MYT1L: variants seen among roughly 807,000 people sequenced by gnomAD.
MYT1L encodes myelin transcription factor 1 like, also known as myelin transcription factor 1-like protein.
Under a neutral mutation model 126.7 loss-of-function variants are expected in MYT1L, and 12 were observed. That is an observed-to-expected ratio of 0.09 (90% CI 0.06 to 0.15). The LOEUF (loss-of-function observed/expected upper bound fraction) is 0.15, where lower values mean the gene tolerates loss of function less well. Ranked by LOEUF, MYT1L falls within the 10% of genes least tolerant of loss-of-function variation. The pLI, the probability that MYT1L is intolerant of heterozygous loss-of-function variation, is 1.00. For missense variants in MYT1L, 979 were observed against 1,585.2 expected, an observed-to-expected ratio of 0.62 and a Z score of 6.49; for synonymous variants, 541 against 604.2, an observed-to-expected ratio of 0.90 and a Z score of 1.53.
chr2:2,112,348 G>A (rs868417381), intron 3 of MYT1L, among the ~76,000 whole-genome samples: 1 of 152,196 alleles, frequency 6.6e-6, no homozygotes, highest in African/African-American at 2.4e-5. Flanking sequence ...GTGCTTAAAT[G>A]TATCACCCCA....
intron 4 of MYT1L, among the ~76,000 whole-genome samples, chr2:2,000,912 C>G (rs1245475711): frequency 6.6e-6 from 1 of 152,166 alleles, no homozygotes; most frequent in Non-Finnish European, 1.5e-5. Flanking sequence ...CATTGCCAGG[C>G]CAGTCTGCAG....
intron 2 of MYT1L, among the ~76,000 whole-genome samples, chr2:2,179,700 T>C (rs1189696668): frequency 6.6e-6 from 1 of 152,240 alleles, no homozygotes; most frequent in Non-Finnish European, 1.5e-5. Flanking sequence ...AAGCACGCAC[T>C]GTAGCCTGGT....
At chr2:2,103,846 G>A (rs2078415561) in intron 3 of MYT1L, among the ~76,000 whole-genome samples, 1 of 152,200 alleles carries the variant, frequency 6.6e-6, no homozygotes, top group Non-Finnish European at 1.5e-5. Context: ...GAATTGTGAG[G>A]GGCATATTAA....
At position 1,912,065 on chromosome 2, in the gene MYT1L, C is replaced by T; in HGVS notation, c.1664G>A (p.Cys555Tyr). The T allele has an allele frequency of 6.3e-7, 1 of 1,597,462 alleles. No individual in the cohort carries two copies. Among genetic ancestry groups the T allele is most frequent in the Non-Finnish European group, 8.6e-7 (1 of 1,168,650 alleles). Residue 555 changes from cysteine to tyrosine, a missense_variant, in exon 12 of 25, where the codon TGC (cysteine) becomes TAC (tyrosine). Coordinates refer to ENST00000647738, the MANE Select transcript of MYT1L (RefSeq NM_001303052.2). This position sits in a 1 kb window ranked among gnomAD's most constrained non-coding sequence, Gnocchi z 4.3. ...ESVLKCPTPG[C>Y]TGRGHVNSNR... Reference sequence around the variant, plus strand: ...GCTGTTGACATGCCCGCGCCCCGTGCAGCCCGGAGTGGGGCACTTGAGGAC... The same window carrying T: ...GCTGTTGACATGCCCGCGCCCCGTGTAGCCCGGAGTGGGGCACTTGAGGAC...
At chr2:1,822,068 C>A (rs2038619119) in intron 21 of MYT1L, among the ~76,000 whole-genome samples, 1 of 152,144 alleles carries the variant, frequency 6.6e-6, no homozygotes, top group African/African-American at 2.4e-5. Flanking sequence ...TCTGCATGCT[C>A]TTCACTCCTC....
chr2:1,833,043 C>T (rs10153656), intron 21 of MYT1L, among the ~76,000 whole-genome samples: 66,492 of 152,052 alleles, frequency 0.44, 15,401 homozygotes, highest in East Asian at 0.67. Flanking sequence ...ACACGTCTGT[C>T]GGCGGCTTAG....
chr2:2,022,842 C>T (rs2065169460), intron 4 of MYT1L, among the ~76,000 whole-genome samples: 1 of 152,204 alleles, frequency 6.6e-6, no homozygotes, highest in African/African-American at 2.4e-5. Flanking sequence ...GAAGGCGGGT[C>T]ACCTGCCTAC....
chr2:2,203,920 C>T (rs913360127), intron 2 of MYT1L, among the ~76,000 whole-genome samples: 4 of 152,056 alleles, frequency 2.6e-5, no homozygotes, highest in African/African-American at 4.8e-5. Flanking sequence ...GAGATATAGA[C>T]CAATGGAAGA....
chr2:2,070,607 C>T (rs936179192), intron 3 of MYT1L, among the ~76,000 whole-genome samples: 1 of 152,228 alleles, frequency 6.6e-6, no homozygotes, highest in African/African-American at 2.4e-5. Flanking sequence ...TTTGTCTGGA[C>T]ATATGTTTAT....
chr2:1,952,463 T>C (rs1458017844), intron 8 of MYT1L, among the ~76,000 whole-genome samples: 1 of 152,028 alleles, frequency 6.6e-6, no homozygotes, highest in African/African-American at 2.4e-5. Context: ...AAAGTGCAAA[T>C]GGGAGGCTCG....
intron 23 of MYT1L, 139 bp from the exon 24 acceptor site, chr2:1,792,603 C>T: frequency 1.1e-6 from 1 of 931,152 alleles, no homozygotes; most frequent in South Asian, 2.0e-5. Context: ...GGCGCCGTGG[C>T]TCACGCCTGG....
intron 3 of MYT1L, among the ~76,000 whole-genome samples, chr2:2,134,739 C>T (rs569141755): frequency 3.3e-5 from 5 of 151,582 alleles, no homozygotes; most frequent in Admixed American, 6.5e-5. Context: ...CAGAAATGAA[C>T]GTTGTTTTTT....
chr2:1,847,462 A>G (rs2042653802), intron 19 of MYT1L, among the ~76,000 whole-genome samples: 1 of 152,086 alleles, frequency 6.6e-6, no homozygotes, highest in African/African-American at 2.4e-5. Flanking sequence ...GATCCTATGA[A>G]AAACGCATGT....
intron 8 of MYT1L, among the ~76,000 whole-genome samples, chr2:1,964,953 A>G (rs1349180640): frequency 1.3e-5 from 2 of 152,212 alleles, no homozygotes; most frequent in Non-Finnish European, 2.9e-5. Context: ...TCACCAAGCA[A>G]TCCTCACTGT....
intron 3 of MYT1L, among the ~76,000 whole-genome samples, chr2:2,122,015 T>C (rs914791641): frequency 2.6e-5 from 4 of 152,204 alleles, no homozygotes; most frequent in Non-Finnish European, 5.9e-5. Context: ...AGGTGAGGTC[T>C]TCCTACGCTC....
intron 3 of MYT1L, among the ~76,000 whole-genome samples, chr2:2,109,397 G>C (rs772520965): frequency 1.1e-4 from 16 of 152,116 alleles, no homozygotes; most frequent in Admixed American, 9.8e-4. Context: ...AGCGTGGGAA[G>C]GGGAGCCGGA....
At chr2:2,004,177 G>A (rs1045515774) in intron 4 of MYT1L, among the ~76,000 whole-genome samples, 3 of 149,592 alleles carry the variant, frequency 2.0e-5, no homozygotes, top group Non-Finnish European at 3.0e-5. Flanking sequence ...TTTCCTGCGT[G>A]CCTCCTTTCC....
chr2:1,942,038 A>G (rs957851661), intron 9 of MYT1L, among the ~76,000 whole-genome samples: 1 of 152,194 alleles, frequency 6.6e-6, no homozygotes, highest in Non-Finnish European at 1.5e-5. Flanking sequence ...TGGTAATCAG[A>G]TTCTTGAAGA....
chr2:1,947,433 C>T (rs192071105), intron 8 of MYT1L, among the ~76,000 whole-genome samples: 2 of 152,150 alleles, frequency 1.3e-5, no homozygotes, highest in African/African-American at 2.4e-5. Context: ...ACAATGTATC[C>T]GGCTAGGAGG....
Sources: allele counts gnomAD v4.1 joint callset (sites outside exome capture counted in the v4.1 genomes callset), GRCh38; gene constraint gnomAD v4.1.1; non-coding constraint Gnocchi (gnomAD v3.1); transcripts MANE v1.5; gene names NCBI Gene and HGNC (gene_info 2026-07-23, HGNC 2026-07-21).